Variants in ROBO1 observed in about 807,000 individuals in gnomAD.
ROBO1 encodes roundabout guidance receptor 1.
In ROBO1, 149 loss-of-function variants were observed where a neutral mutation model predicts 195.9. The ratio of observed to expected loss-of-function variants is 0.76; its 90% CI spans 0.67 to 0.87. The LOEUF (loss-of-function observed/expected upper bound fraction) is 0.87. Ranked by LOEUF, ROBO1 falls within the 40% of genes least tolerant of loss-of-function variation. ROBO1 has a pLI of 0.00. For missense variants in ROBO1, 1,933 were observed against 2,068.3 expected (o/e 0.93, Z 1.27); for synonymous variants, 816 against 733.2 (o/e 1.11, Z -1.82).
At chr3:78,748,426 CAAAT>C (rs55873579) in intron 4 of ROBO1, among the ~76,000 whole-genome samples, 12,050 of 146,904 alleles carry the variant, frequency 0.082, 604 homozygotes, top group African/African-American at 0.13. Flanking sequence ...GCCTCTGTCT[CAAAT>C]AAATAAATAA....
chr3:78,946,642 A>AT (rs2040461787), intron 3 of ROBO1, among the ~76,000 whole-genome samples: 1 of 152,226 alleles, frequency 6.6e-6, no homozygotes, highest in South Asian at 2.1e-4. Flanking sequence ...AGCTAACATC[A>AT]TAATGACAGG....
intron 1 of ROBO1, among the ~76,000 whole-genome samples, chr3:79,718,836 T>C (rs1295597439): frequency 2.6e-5 from 4 of 152,096 alleles, no homozygotes; most frequent in Non-Finnish European, 4.4e-5. Flanking sequence ...TATATATTTA[T>C]GGCTAAAACT....
intron 1 of ROBO1, among the ~76,000 whole-genome samples, chr3:79,655,999 ATTTATT>A (rs1364975537): frequency 6.6e-6 from 1 of 152,120 alleles, no homozygotes; most frequent in East Asian, 1.9e-4. Context: ...TTTAAAAGAT[ATTTATT>A]TTTAAGCTTA....
chr3:78,951,521 A>C lies in ROBO1; in HGVS notation c.173-12594T>G, dbSNP rs549860936. 1.5e-4 allele frequency among the ~76,000 whole-genome samples: 23 copies of C among 152,234 alleles called. No homozygotes were observed. In the South Asian group the frequency reaches 4.8e-3, roughly 32 times the overall value. On this transcript the variant is annotated intron_variant, in intron 3 of 30. Transcript: ENST00000464233. ...GTTACAAAGAAGAGGGGGTTAAAAA[A>C]AACAACAACACCACACAGACTGATG...
intron 4 of ROBO1, among the ~76,000 whole-genome samples, chr3:78,752,212 G>C (rs1192454035): frequency 6.6e-6 from 1 of 152,022 alleles, no homozygotes; most frequent in Non-Finnish European, 1.5e-5. Flanking sequence ...GACACTCCTA[G>C]TTCCCTGTCT....
chr3:79,078,612 A>G (rs1471028029), intron 3 of ROBO1, among the ~76,000 whole-genome samples: 1 of 151,868 alleles, frequency 6.6e-6, no homozygotes, highest in Non-Finnish European at 1.5e-5. Flanking sequence ...AACAATCATT[A>G]GAAAACATGG....
intron 2 of ROBO1, among the ~76,000 whole-genome samples, chr3:79,376,871 A>C (rs887102867): frequency 1.3e-5 from 2 of 152,184 alleles, no homozygotes; most frequent in Admixed American, 1.3e-4. Flanking sequence ...GAATAAAGAG[A>C]TTGTCTCCAA....
chr3:79,393,240 T>C (rs936102134), intron 2 of ROBO1, among the ~76,000 whole-genome samples: 2 of 152,112 alleles, frequency 1.3e-5, no homozygotes, highest in African/African-American at 4.8e-5. Flanking sequence ...AATATAGCTT[T>C]TATACTGTGG....
rs149865681 is a variant in ROBO1, at chr3:78,780,434, G to A, written c.500-33534C>T. 5.3e-5 allele frequency among the ~76,000 whole-genome samples: 8 copies of A among 152,116 alleles called. No homozygotes were observed. In the East Asian group the frequency reaches 9.7e-4, roughly 18 times the overall value. On this transcript the variant is annotated intron_variant, in intron 4 of 30. Coordinates refer to ENST00000464233, the MANE Select transcript of ROBO1 (RefSeq NM_002941.4). ...GCAAGGTACAAGTTTGATTTTGCAT[G>A]GCGCCATTTTTGTATTTCTAGATTT...
intron 2 of ROBO1, among the ~76,000 whole-genome samples, chr3:79,477,349 T>C (rs1486777162): frequency 2.0e-5 from 3 of 152,146 alleles, no homozygotes; most frequent in Non-Finnish European, 2.9e-5. Context: ...ATCTCAACCG[T>C]TGAATCTGCT....
rs752914953 is a variant in ROBO1 at position 78,633,954 on chromosome 3, G to T, written c.3462C>A (p.Asp1154Glu). ...QNTGGSYNSS[D>E]RGSSTSGSQG... ...ACTTACCAGATGTACTACTGCCCCG[G>T]TCTGAGCTGTTGTAGGATCCTCCTG... is the stretch of plus-strand genomic sequence containing the variant. Residue 1154 changes from aspartate (D) to glutamate (E), a missense_variant, in exon 24 of 31, where the codon GAC becomes GAA. Asp to Glu is a conservative substitution (Grantham distance 45). Around this residue, in one of 3 missense-constraint regions of ROBO1, gnomAD observed 1,737 missense variants for 1,882.5 expected, o/e 0.92. Transcript: ENST00000464233. 6.2e-7 allele frequency: 1 copy of T among 1,610,600 alleles called. No individual in the cohort carries two copies. Among genetic ancestry groups the T allele is most frequent in the Non-Finnish European group, 8.5e-7 (1 of 1,177,408 alleles).
In ROBO1 at chr3:78,691,658, T is replaced by C. The variant is rs529782617; in HGVS notation, c.1046-2886A>G. On this transcript the variant is annotated intron_variant, in intron 8 of 30. Transcript: ENST00000464233. Reference sequence around the variant, plus strand: ...CAAAGATCGAGAGTGTATTAATAAGTATAGCTAAACCATGCTCAGGAATGT... The same window carrying C: ...CAAAGATCGAGAGTGTATTAATAAGCATAGCTAAACCATGCTCAGGAATGT... 6.8e-4 allele frequency among the ~76,000 whole-genome samples: 103 copies of C among 152,300 alleles called. 1 individual carries two copies. The highest frequency in any genetic ancestry group is 1.2e-3 in the South Asian group (6 of 4,828).
At chr3:78,750,530 A>G (rs865900130) in intron 4 of ROBO1, among the ~76,000 whole-genome samples, 3 of 151,732 alleles carry the variant, frequency 2.0e-5, no homozygotes, top group Non-Finnish European at 4.4e-5. Context: ...CTAATTGTAC[A>G]AAACATAACA....
intron 1 of ROBO1, among the ~76,000 whole-genome samples, chr3:79,757,838 C>T (rs1704490586): frequency 6.6e-6 from 1 of 152,086 alleles, no homozygotes; most frequent in Admixed American, 6.5e-5. Context: ...TTTTTTATAG[C>T]CCAGTGTCTT....
intron 3 of ROBO1, among the ~76,000 whole-genome samples, chr3:79,116,453 CCTTT>C (rs201196835): frequency 2.9e-4 from 43 of 146,970 alleles, no homozygotes; most frequent in African/African-American, 9.5e-4. Flanking sequence ...TTTCCCTTTC[CCTTT>C]CTTTCTTTGT....
chr3:79,439,793 T>C (rs757132203), intron 2 of ROBO1, among the ~76,000 whole-genome samples: 29 of 152,072 alleles, frequency 1.9e-4, no homozygotes, highest in Non-Finnish European at 3.5e-4. Flanking sequence ...GGTTACCCTG[T>C]TTTTATGTTC....
At chr3:79,015,931 G>A (rs2077920990) in intron 3 of ROBO1, among the ~76,000 whole-genome samples, 1 of 152,150 alleles carries the variant, frequency 6.6e-6, no homozygotes, top group African/African-American at 2.4e-5. Context: ...AAAAAGAACT[G>A]ACAACCAATA....
intron 2 of ROBO1, among the ~76,000 whole-genome samples, chr3:79,385,703 T>G (rs1428050214): frequency 1.3e-5 from 2 of 152,044 alleles, no homozygotes; most frequent in Non-Finnish European, 2.9e-5. Context: ...TGCTACCTGG[T>G]AGACATGGAA....
intron 10 of ROBO1, among the ~76,000 whole-genome samples, chr3:78,684,365 T>C (rs2081002317): frequency 1.3e-5 from 2 of 152,160 alleles, no homozygotes; most frequent in Non-Finnish European, 2.9e-5. Context: ...AGAAAAGTTA[T>C]TATCTCTGCT....
Sources: gnomAD v4.1 joint callset for allele counts (sites outside exome capture counted in the v4.1 genomes callset) on GRCh38, gnomAD v4.1.1 for gene constraint, gnomAD v4.1.1 regional missense constraint, MANE v1.5 for transcripts, NCBI Gene and HGNC (gene_info 2026-07-23, HGNC 2026-07-21) for gene names.